RABGAP1L: variants seen among roughly 807,000 people sequenced by gnomAD.
RABGAP1L encodes the protein rab GTPase-activating protein 1-like.
In RABGAP1L, 63 loss-of-function variants were observed where a neutral mutation model predicts 137.7. That is an observed-to-expected ratio of 0.46 (90% CI 0.37 to 0.56). RABGAP1L has a LOEUF of 0.56. Among genes scored for constraint, RABGAP1L ranks in the 20% least tolerant of loss-of-function variants. The pLI, the probability that RABGAP1L is intolerant of heterozygous loss-of-function variation, is 0.00. For synonymous variants in RABGAP1L, 431 were observed against 433.7 expected (o/e 0.99, Z 0.08); for missense variants, 1,095 against 1,244.0 (o/e 0.88, Z 1.80).
intron 19 of RABGAP1L, among the ~76,000 whole-genome samples, chr1:174,908,464 A>G (rs1235085428): frequency 3.3e-5 from 5 of 152,106 alleles, no homozygotes; most frequent in African/African-American, 9.7e-5. Flanking sequence ...TCCAACCACA[A>G]TGGAATAAAA....
At chr1:174,433,187 C>A (rs749555436) in intron 13 of RABGAP1L, among the ~76,000 whole-genome samples, 1 of 152,148 alleles carries the variant, frequency 6.6e-6, no homozygotes, top group South Asian at 2.1e-4. Flanking sequence ...AGTGGTGCAG[C>A]CATCATGCCA....
At chr1:174,918,025 G>A (rs1460167008) in intron 19 of RABGAP1L, among the ~76,000 whole-genome samples, 2 of 151,652 alleles carry the variant, frequency 1.3e-5, no homozygotes, top group Non-Finnish European at 2.9e-5. Context: ...TCTGTAACCA[G>A]AAATACAATT....
At chr1:174,338,857 G>A (rs1368817182) in intron 11 of RABGAP1L, among the ~76,000 whole-genome samples, 1 of 151,926 alleles carries the variant, frequency 6.6e-6, no homozygotes, top group Non-Finnish European at 1.5e-5. Flanking sequence ...GCTAAGAATG[G>A]GTTTTGCACT....
intron 14 of RABGAP1L, among the ~76,000 whole-genome samples, chr1:174,683,011 C>T (rs971386042): frequency 6.7e-6 from 1 of 148,836 alleles, no homozygotes; most frequent in African/African-American, 2.5e-5. Context: ...TGGAAAATGG[C>T]AGGGTAGTTT....
rs144895792 is a variant in RABGAP1L at position 174,273,375 on chromosome 1, A to G, written c.1053+895A>G. ...GAGGTTATGCATATGAGTAAAATAT[A>G]GCTCTTACCATCTGTGGGTTCATGG... On this transcript the variant is annotated intron_variant, in intron 8 of 25. Transcript: ENST00000681986. Among the ~76,000 whole-genome samples the G allele has an allele frequency of 1.3e-4, 20 of 152,156 alleles. No individual in the cohort carries two copies. The East Asian group carries it at 3.7e-3, about 28-fold the overall frequency.
intron 11 of RABGAP1L, among the ~76,000 whole-genome samples, chr1:174,335,207 G>A (rs556344248): frequency 2.6e-5 from 4 of 152,098 alleles, no homozygotes; most frequent in African/African-American, 9.7e-5. Flanking sequence ...TTTTGTCAAC[G>A]CAAACATCAA....
At chr1:174,528,192 TG>T (rs1664080678) in intron 13 of RABGAP1L, among the ~76,000 whole-genome samples, 3 of 152,158 alleles carry the variant, frequency 2.0e-5, no homozygotes, top group African/African-American at 7.2e-5. Context: ...TATAGTCAAT[TG>T]TTTTTGGTTC....
At chr1:174,231,066 C>T (rs1299544988) in intron 3 of RABGAP1L, 79 bp from the exon 4 acceptor site, 3 of 1,015,670 alleles carry the variant, frequency 3.0e-6, no homozygotes, top group Non-Finnish European at 4.4e-6. Flanking sequence ...TATTTCATTT[C>T]TTTTTGGGCA....
At chr1:174,635,986 G>A (rs373526258) in intron 13 of RABGAP1L, among the ~76,000 whole-genome samples, 7 of 152,104 alleles carry the variant, frequency 4.6e-5, no homozygotes, top group South Asian at 4.2e-4. Context: ...AAATCTTTAT[G>A]GAAATAAGAC....
intron 3 of RABGAP1L, among the ~76,000 whole-genome samples, chr1:174,227,194 A>G (rs1225348839): frequency 7.1e-6 from 1 of 141,458 alleles, no homozygotes; most frequent in Admixed American, 7.0e-5. Context: ...AAAGCTGACC[A>G]TTTACTTTTT....
intron 19 of RABGAP1L, among the ~76,000 whole-genome samples, chr1:174,851,531 T>C (rs936323165): frequency 6.6e-6 from 1 of 151,316 alleles, no homozygotes; most frequent in East Asian, 1.9e-4. Context: ...CATTTCTTTC[T>C]TTTTTTTTGA....
chr1:174,307,491 A>C (rs898426580), intron 11 of RABGAP1L, among the ~76,000 whole-genome samples: 2 of 152,042 alleles, frequency 1.3e-5, no homozygotes, highest in African/African-American at 2.4e-5. Flanking sequence ...GGCAGCCACT[A>C]ATCTGCTTTC....
chr1:174,841,185 C>T (rs1693355646), intron 19 of RABGAP1L, among the ~76,000 whole-genome samples: 1 of 152,008 alleles, frequency 6.6e-6, no homozygotes, highest in African/African-American at 2.4e-5. Flanking sequence ...AGCTTTGTAT[C>T]CTGAAAACTA....
chr1:174,492,639 C>T (rs558022240), intron 13 of RABGAP1L, among the ~76,000 whole-genome samples: 7 of 152,190 alleles, frequency 4.6e-5, no homozygotes, highest in African/African-American at 1.2e-4. Context: ...CATGAGCCAC[C>T]GTGCCTGGTC....
chr1:174,550,882 A>G lies in RABGAP1L; in HGVS notation c.1711-86493A>G, dbSNP rs1291067398. On this transcript the variant is annotated intron_variant, in intron 13 of 25. Coordinates refer to ENST00000681986, the MANE Select transcript of RABGAP1L (RefSeq NM_001366446.1). Reference sequence around the variant, plus strand: ...AATATATATATATATATATATATATATATATATATATATACACACACACAT... The same window carrying G: ...AATATATATATATATATATATATATGTATATATATATATACACACACACAT... 4.2e-5 allele frequency among the ~76,000 whole-genome samples: 3 copies of G among 71,076 alleles called. 1 individual carries two copies. The highest frequency in any genetic ancestry group is 2.8e-4 in the African/African-American group (3 of 10,738). 46.6% of individuals were successfully genotyped at this position (71,076 alleles called of 152,430 possible).
At chr1:174,190,285 G>C (rs1667117486) in intron 1 of RABGAP1L, among the ~76,000 whole-genome samples, 1 of 136,292 alleles carries the variant, frequency 7.3e-6, no homozygotes, top group African/African-American at 2.9e-5. Context: ...CCTGGTGACA[G>C]AGCGAGACTC....
chr1:174,626,714 T>A (rs1255004232), intron 13 of RABGAP1L, among the ~76,000 whole-genome samples: 1 of 152,226 alleles, frequency 6.6e-6, no homozygotes, highest in African/African-American at 2.4e-5. Flanking sequence ...CCCTTTTGTA[T>A]TATTGTCTCT....
In RABGAP1L at chr1:174,487,056, T is replaced by G. The variant is rs1246475339; in HGVS notation, c.1710+92911T>G. Among the ~76,000 whole-genome samples, 5 of 152,212 alleles carry G rather than the reference T, an allele frequency of 3.3e-5. No homozygotes were observed. In the East Asian group the frequency reaches 9.6e-4, roughly 29 times the overall value. ...TGTGACTTAACATATGATCTGTCCT[T>G]GAAATTGATCCATGTGCTGAGGAAA... is the stretch of plus-strand genomic sequence containing the variant. On this transcript the variant is annotated intron_variant, in intron 13 of 25. Transcript: ENST00000681986.
At chr1:174,732,853 A>G (rs1227448678) in intron 17 of RABGAP1L, among the ~76,000 whole-genome samples, 2 of 152,122 alleles carry the variant, frequency 1.3e-5, no homozygotes, top group Non-Finnish European at 2.9e-5. Flanking sequence ...ACTTCCCAAG[A>G]CTCTGTCCTG....
Sources: allele counts gnomAD v4.1 joint callset (sites outside exome capture counted in the v4.1 genomes callset), GRCh38; gene constraint gnomAD v4.1.1; transcripts MANE v1.5; gene names NCBI Gene and HGNC (gene_info 2026-07-23, HGNC 2026-07-21).